Variants in CPE observed in about 807,000 individuals in gnomAD.
CPE encodes carboxypeptidase E.
In CPE, 17 loss-of-function variants were observed where a neutral mutation model predicts 53.5. The ratio of observed to expected loss-of-function variants is 0.32; its 90% confidence interval spans 0.22 to 0.48. The LOEUF (loss-of-function observed/expected upper bound fraction) is 0.48, where lower values mean the gene tolerates loss of function less well. Ranked by LOEUF, CPE falls within the 20% of genes least tolerant of loss-of-function variation. The pLI, the probability that CPE is intolerant of heterozygous loss-of-function variation, is 0.99. For synonymous variants in CPE, 226 were observed against 228.8 expected, an observed-to-expected ratio of 0.99 and a Z score of 0.11; for missense variants, 524 against 614.7, an observed-to-expected ratio of 0.85 and a Z score of 1.56.
chr4:165,384,955 GC>G (rs1426637847), intron 1 of CPE, among the ~76,000 whole-genome samples: 7 of 152,124 alleles, frequency 4.6e-5, no homozygotes, highest in Non-Finnish European at 8.8e-5. Flanking sequence ...TTGTTTGTTT[GC>G]TTTTTTCTCT....
chr4:165,492,554 C>T (rs925259652), intron 6 of CPE, among the ~76,000 whole-genome samples: 6 of 152,130 alleles, frequency 3.9e-5, no homozygotes, highest in Non-Finnish European at 7.4e-5. Context: ...ACCCAGCTCC[C>T]TGAGTGAGCA....
At chr4:165,427,106 C>T (rs569359704) in intron 1 of CPE, among the ~76,000 whole-genome samples, 14 of 152,264 alleles carry the variant, frequency 9.2e-5, no homozygotes, top group South Asian at 2.1e-4. Context: ...TGTTAGAGGA[C>T]GGAATTTTCC....
At chr4:165,474,110 C>A (rs920477152) in intron 3 of CPE, among the ~76,000 whole-genome samples, 1 of 152,222 alleles carries the variant, frequency 6.6e-6, no homozygotes, top group Non-Finnish European at 1.5e-5. Context: ...TTTAGGGAAA[C>A]CTGGATGGGG....
chr4:165,490,707 G>T (rs1328185649), intron 6 of CPE, among the ~76,000 whole-genome samples: 3 of 148,756 alleles, frequency 2.0e-5, no homozygotes, highest in African/African-American at 4.9e-5. Context: ...TATTAAAAAT[G>T]AGTTTCCTCT....
intron 8 of CPE, among the ~76,000 whole-genome samples, 182 bp downstream of exon 8, chr4:165,495,859 C>T (rs78423377): frequency 0.024 from 3,723 of 152,172 alleles, 145 homozygotes; most frequent in African/African-American, 0.08. Context: ...GCTCTATTAC[C>T]ATTTCTCAGT....
chr4:165,466,525 CT>C (rs879640554), intron 2 of CPE, among the ~76,000 whole-genome samples: 7 of 148,754 alleles, frequency 4.7e-5, no homozygotes, highest in Non-Finnish European at 6.0e-5. Flanking sequence ...CTGTAACTTT[CT>C]TTTTTTTTTG....
chr4:165,447,754 T>C (rs1180035073), intron 1 of CPE, among the ~76,000 whole-genome samples: 2 of 152,150 alleles, frequency 1.3e-5, no homozygotes, highest in East Asian at 3.8e-4. Context: ...TTTCTTTCTC[T>C]TATATCCTAT....
chr4:165,488,114 A>G (rs1732540074), intron 6 of CPE, among the ~76,000 whole-genome samples: 1 of 152,216 alleles, frequency 6.6e-6, no homozygotes, highest in Non-Finnish European at 1.5e-5. Context: ...CCCAGGCATT[A>G]TACTAAATGC....
intron 1 of CPE, among the ~76,000 whole-genome samples, chr4:165,451,931 GTTTT>G (rs796524665): frequency 7.0e-6 from 1 of 143,088 alleles, no homozygotes; most frequent in Non-Finnish European, 1.5e-5. Flanking sequence ...CCCAACCCCC[GTTTT>G]TTTTTTCGTT....
In CPE at chr4:165,381,426, C is replaced by T. The variant is rs1184654656; in HGVS notation, c.307+1898C>T. On this transcript the variant is annotated intron_variant, in intron 1 of 8. Coordinates refer to ENST00000402744, the MANE Select transcript of CPE (RefSeq NM_001873.4). ...GTGGAAAAAATGAATCCATCAATAG[C>T]TGCATAACACAGTGTATTAAAATAA... is the stretch of plus-strand genomic sequence containing the variant. 6 of 413,908 alleles carry T rather than the reference C, an allele frequency of 1.4e-5. No homozygotes were observed. The East Asian group carries it at 4.3e-4, about 30-fold the overall frequency. 25.6% of individuals were successfully genotyped at this position (413,908 alleles called of 1,614,324 possible). A position where few individuals can be genotyped will look rare whatever the true frequency, so the allele number is the denominator to read the frequency against.
chr4:165,435,526 A>G (rs1162281129), intron 1 of CPE, among the ~76,000 whole-genome samples: 3 of 152,200 alleles, frequency 2.0e-5, no homozygotes, highest in African/African-American at 7.2e-5. Context: ...AAGTTTTGGA[A>G]AGTAAAATAG....
intron 3 of CPE, among the ~76,000 whole-genome samples, chr4:165,470,998 T>C (rs565582296): frequency 2.0e-4 from 31 of 152,254 alleles, no homozygotes; most frequent in African/African-American, 7.0e-4. Context: ...AATACTGACA[T>C]GATGGTGTCT....
chr4:165,445,877 T>C (rs1451771968), intron 1 of CPE, among the ~76,000 whole-genome samples: 1 of 151,760 alleles, frequency 6.6e-6, no homozygotes, highest in East Asian at 2.0e-4. Context: ...GGTTCTAAGA[T>C]TCTTTTAGCA....
At chr4:165,408,379 A>G (rs1293310721) in intron 1 of CPE, among the ~76,000 whole-genome samples, 2 of 151,956 alleles carry the variant, frequency 1.3e-5, no homozygotes, top group Non-Finnish European at 2.9e-5. Context: ...GCAGATGGAT[A>G]TCCCATTGTC....
chr4:165,463,468 C>T (rs1042975810), intron 1 of CPE, among the ~76,000 whole-genome samples: 2 of 152,086 alleles, frequency 1.3e-5, no homozygotes, highest in African/African-American at 4.8e-5. Flanking sequence ...AACAGAGCCA[C>T]AGAGAACTGA....
chr4:165,487,572 G>C lies in CPE; in HGVS notation c.1108G>C (p.Glu370Gln). Residue 370 changes from glutamate (E) to glutamine (Q), a missense_variant, in exon 6 of 9, where the codon GAG becomes CAG. Physicochemically the swap from Glu to Gln is conservative, Grantham distance 29. Coordinates refer to ENST00000402744, the MANE Select transcript of CPE (RefSeq NM_001873.4). ...DNKNSLISYL[E>Q]QIHRGVKGFV... ...CAAAAACTCCCTCATTAGCTACCTTGAGCAGGTAAACACAGTCCCCAGCAT... is the reference window on the plus strand; with the variant it reads ...CAAAAACTCCCTCATTAGCTACCTTCAGCAGGTAAACACAGTCCCCAGCAT... 1.2e-6 allele frequency: 2 copies of C among 1,613,994 alleles called. No individual in the cohort carries two copies. The highest frequency in any genetic ancestry group is 1.7e-6 in the Non-Finnish European group (2 of 1,179,988).
At position 165,464,508 on chromosome 4, in the gene CPE, T is replaced by C; in HGVS notation, c.426T>C (p.Ile142=). The C allele has an allele frequency of 6.2e-7, 1 of 1,613,964 alleles. No homozygotes were observed. Among genetic ancestry groups the C allele is most frequent in the Non-Finnish European group, 8.5e-7 (1 of 1,179,910 alleles). The part of the protein sequence containing the change: ...CNEYQKGNET[I]VNLIHSTRIH... The stretch of plus-strand genomic sequence containing the variant: ...AATACCAGAAGGGGAACGAGACAAT[T>C]GTCAACCTGATCCACAGTACCCGCA... The change falls in exon 2 of 9, where the codon ATT becomes ATC. Residue 142 remains isoleucine (I), a synonymous_variant. Coordinates refer to ENST00000402744, the MANE Select transcript of CPE (RefSeq NM_001873.4).
chr4:165,482,269 C>T lies in CPE; in HGVS notation c.700C>T (p.His234Tyr), dbSNP rs1487906815. The change falls in exon 4 of 9, where the codon CAT becomes TAT. Residue 234 changes from histidine to tyrosine, a missense_variant. By Grantham distance (83) the His-to-Tyr change is moderately conservative. Coordinates refer to ENST00000402744, the MANE Select transcript of CPE (RefSeq NM_001873.4). Reference protein sequence around the residue: ...KLAPETKAVIHWIMDIPFVLS... With the variant: ...KLAPETKAVIYWIMDIPFVLS... ...TGCTCCTGAGACCAAGGCTGTCATTCATTGGATTATGGATATTCCTTTTGT... is the reference window on the plus strand; with the variant it reads ...TGCTCCTGAGACCAAGGCTGTCATTTATTGGATTATGGATATTCCTTTTGT... The T allele has an allele frequency of 6.2e-7, 1 of 1,613,602 alleles. No homozygotes were observed. The highest frequency in any genetic ancestry group is 1.3e-5 in the African/African-American group (1 of 74,894).
chr4:165,439,906 C>T (rs549176795), intron 1 of CPE, among the ~76,000 whole-genome samples: 7 of 152,222 alleles, frequency 4.6e-5, no homozygotes, highest in South Asian at 2.1e-4. Flanking sequence ...CAGATCAGCT[C>T]GTGAGCCCAT....
Sources: gnomAD v4.1 joint callset for allele counts (sites outside exome capture counted in the v4.1 genomes callset) on GRCh38, gnomAD v4.1.1 for gene constraint, MANE v1.5 for transcripts, NCBI Gene and HGNC (gene_info 2026-07-23, HGNC 2026-07-21) for gene names.